Variants in NOL4 observed in about 807,000 individuals in gnomAD.
NOL4 encodes the protein nucleolar protein 4, also known as cancer/testis antigen 125.
In NOL4, 17 loss-of-function variants were observed where a neutral mutation model predicts 75.9. The ratio of observed to expected loss-of-function variants is 0.22; its 90% CI spans 0.15 to 0.34. NOL4 has a LOEUF of 0.34. Ranked by LOEUF, NOL4 falls within the 10% of genes least tolerant of loss-of-function variation. The probability of loss-of-function intolerance (pLI) is 1.00; values close to 1 mark genes in which losing one functional copy is unlikely to be tolerated. For synonymous variants in NOL4, 292 were observed against 289.9 expected, an observed-to-expected ratio of 1.01 and a Z score of -0.07; for missense variants, 614 against 793.5, an observed-to-expected ratio of 0.77 and a Z score of 2.72.
At chr18:34,040,850 T>A (rs2076109318) in intron 5 of NOL4, among the ~76,000 whole-genome samples, 1 of 152,020 alleles carries the variant, frequency 6.6e-6, no homozygotes, top group African/African-American at 2.4e-5. Context: ...CATATAAATT[T>A]GGTCAGAAAT....
chr18:33,914,718 G>A (rs1294230215), intron 9 of NOL4, among the ~76,000 whole-genome samples: 2 of 152,046 alleles, frequency 1.3e-5, no homozygotes, highest in African/African-American at 4.8e-5. Context: ...AAAGAAGGGG[G>A]AACTCAATGG....
intron 5 of NOL4, among the ~76,000 whole-genome samples, chr18:34,049,818 G>A (rs921558530): frequency 6.6e-6 from 1 of 152,074 alleles, no homozygotes; most frequent in Non-Finnish European, 1.5e-5. Context: ...GGACTTTATG[G>A]ATGTCGCTGT....
intron 5 of NOL4, among the ~76,000 whole-genome samples, chr18:34,037,649 T>A (rs1357384396): frequency 6.6e-6 from 1 of 152,030 alleles, no homozygotes; most frequent in Non-Finnish European, 1.5e-5. Flanking sequence ...ATACAAAGAA[T>A]ATATACTAGG....
rs570519233 is a variant in NOL4, at chr18:34,106,732, T to A, written c.415-1572A>T. Reference sequence around the variant, plus strand: ...TATAAACACACACAGCATATATGAATTTGAATCCTATTTTTCTGTTTTTAC... The same window carrying A: ...TATAAACACACACAGCATATATGAAATTGAATCCTATTTTTCTGTTTTTAC... On this transcript the variant is annotated intron_variant, in intron 2 of 10. Coordinates refer to ENST00000261592, the MANE Select transcript of NOL4 (RefSeq NM_003787.5). Among the ~76,000 whole-genome samples, 443 of 151,948 alleles carry A rather than the reference T, an allele frequency of 2.9e-3. 4 individuals carry two copies. Among genetic ancestry groups the A allele is most frequent in the Middle Eastern group, 0.01 (3 of 294 alleles).
chr18:34,193,281 T>A (rs1371827035), intron 1 of NOL4, among the ~76,000 whole-genome samples: 2 of 152,048 alleles, frequency 1.3e-5, no homozygotes, highest in African/African-American at 4.8e-5. Context: ...ACTGAAAAGA[T>A]CCTGCACAGC....
intron 1 of NOL4, among the ~76,000 whole-genome samples, chr18:34,195,576 C>A (rs1338463747): frequency 6.6e-6 from 1 of 151,178 alleles, no homozygotes; most frequent in Non-Finnish European, 1.5e-5. Flanking sequence ...TCAAATAATA[C>A]TGCCATGTTT....
intron 8 of NOL4, among the ~76,000 whole-genome samples, chr18:33,949,945 T>C (rs1479202502): frequency 6.6e-6 from 1 of 152,014 alleles, no homozygotes; most frequent in Non-Finnish European, 1.5e-5. Context: ...AATAACATGC[T>C]TTAATTTTAA....
At chr18:33,962,839 G>A (rs1344928838) in intron 6 of NOL4, among the ~76,000 whole-genome samples, 2 of 152,182 alleles carry the variant, frequency 1.3e-5, no homozygotes, top group Non-Finnish European at 1.5e-5. Flanking sequence ...ATTCAATGCA[G>A]CTGTTTGATG....
chr18:33,950,959 T>G (rs532317637), intron 8 of NOL4, among the ~76,000 whole-genome samples: 3 of 152,292 alleles, frequency 2.0e-5, no homozygotes, highest in Non-Finnish European at 4.4e-5. Flanking sequence ...CAAGTGCTTT[T>G]GGTTTTCATT....
intron 1 of NOL4, among the ~76,000 whole-genome samples, chr18:34,142,757 C>T (rs1041650869): frequency 3.3e-5 from 5 of 152,156 alleles, no homozygotes; most frequent in Non-Finnish European, 7.4e-5. Context: ...GTGCAGCACA[C>T]CAACATGGCA....
chr18:34,093,607 G>T lies in NOL4; in HGVS notation c.640-10C>A. On this transcript the variant is annotated splice_polypyrimidine_tract_variant and intron_variant, in intron 4 of 10. Coordinates refer to ENST00000261592, the MANE Select transcript of NOL4 (RefSeq NM_003787.5). The stretch of plus-strand genomic sequence containing the variant: ...CTATTGAACTTTCATCCTGAAAATA[G>T]TTTTAAAATATCATCAAGCATTTTA... The T allele has an allele frequency of 1.3e-6, 2 of 1,559,458 alleles. No homozygotes were observed. Among genetic ancestry groups the T allele is most frequent in the Non-Finnish European group, 1.7e-6 (2 of 1,146,424 alleles).
At chr18:34,114,427 A>G (rs1036884773) in intron 2 of NOL4, among the ~76,000 whole-genome samples, 2 of 152,202 alleles carry the variant, frequency 1.3e-5, no homozygotes, top group Admixed American at 6.5e-5. Flanking sequence ...CCATGTGACA[A>G]ACCACATATT....
intron 1 of NOL4, among the ~76,000 whole-genome samples, chr18:34,189,476 A>G (rs1244105283): frequency 6.6e-6 from 1 of 152,176 alleles, no homozygotes; most frequent in African/African-American, 2.4e-5. Flanking sequence ...TTGACTTTCA[A>G]AGTTAATTTA....
At chr18:33,863,312 C>G (rs906388439) in intron 10 of NOL4, among the ~76,000 whole-genome samples, 1 of 152,000 alleles carries the variant, frequency 6.6e-6, no homozygotes, top group Non-Finnish European at 1.5e-5. Context: ...GGGAGATATA[C>G]CTAATGCTAG....
chr18:34,157,156 T>A (rs1462161337), intron 1 of NOL4: 1 of 152,132 alleles, frequency 6.6e-6, no homozygotes, highest in Non-Finnish European at 1.5e-5. Flanking sequence ...TTCTTTATCA[T>A]ATAACACCTG....
chr18:34,185,377 GGAA>G (rs1223629763), intron 1 of NOL4, among the ~76,000 whole-genome samples: 1 of 152,130 alleles, frequency 6.6e-6, no homozygotes, highest in African/African-American at 2.4e-5. Flanking sequence ...CAAAGCAACA[GGAA>G]GAAGGCCAGA....
intron 2 of NOL4, among the ~76,000 whole-genome samples, chr18:34,125,019 C>A (rs7238185): frequency 0.018 from 2,718 of 152,052 alleles, 78 homozygotes; most frequent in African/African-American, 0.063. Context: ...TTAAATTTAG[C>A]TAGAGATGAG....
intron 6 of NOL4, among the ~76,000 whole-genome samples, chr18:33,993,339 G>A (rs2146134538): frequency 6.6e-6 from 1 of 152,084 alleles, no homozygotes; most frequent in African/African-American, 2.4e-5. Flanking sequence ...CAGGGTGAGT[G>A]TGGGCATACC....
chr18:34,034,324 C>G (rs1297398613), intron 5 of NOL4, among the ~76,000 whole-genome samples: 1 of 152,174 alleles, frequency 6.6e-6, no homozygotes, highest in Admixed American at 6.5e-5. Context: ...AAGATATCGA[C>G]TTGCTGAGTG....
Sources: gnomAD v4.1 joint callset for allele counts (sites outside exome capture counted in the v4.1 genomes callset) on GRCh38, gnomAD v4.1.1 for gene constraint, MANE v1.5 for transcripts, NCBI Gene and HGNC (gene_info 2026-07-23, HGNC 2026-07-21) for gene names.